COL4A2: variants seen among roughly 807,000 people sequenced by gnomAD.
COL4A2 encodes the protein collagen alpha-2(IV) chain.
In COL4A2, 99 loss-of-function variants were observed where a neutral mutation model predicts 200.2. That is an observed-to-expected ratio of 0.49 (90% CI 0.42 to 0.58). The LOEUF is 0.58. COL4A2 is among the 20% of genes least tolerant of loss of function. The pLI is 0.00. For missense variants in COL4A2, 1,950 were observed against 2,314.1 expected, an observed-to-expected ratio of 0.84 and a Z score of 3.23; for synonymous variants, 897 against 900.6, an observed-to-expected ratio of 1.00 and a Z score of 0.07.
At chr13:110,434,270 A>G (rs1880790209) in intron 11 of COL4A2, 131 bp from the exon 12 acceptor site, 3 of 755,464 alleles carry the variant, frequency 4.0e-6, no homozygotes, top group African/African-American at 1.8e-5. Flanking sequence ...AAGCAAGAAT[A>G]TTATGCAAAT....
intron 24 of COL4A2, among the ~76,000 whole-genome samples, chr13:110,464,034 TG>T (rs1224677751): frequency 5.3e-5 from 8 of 152,064 alleles, no homozygotes; most frequent in African/African-American, 1.9e-4. Context: ...CAGTGTCATG[TG>T]GGGTGGGGGT....
At chr13:110,370,872 T>C (rs1051887280) in intron 4 of COL4A2, among the ~76,000 whole-genome samples, 1 of 152,222 alleles carries the variant, frequency 6.6e-6, no homozygotes, top group African/African-American at 2.4e-5. Context: ...TGGGACTTTA[T>C]TTTGAGGATA....
chr13:110,425,291 G>A (rs1758902111), intron 6 of COL4A2, among the ~76,000 whole-genome samples: 1 of 152,202 alleles, frequency 6.6e-6, no homozygotes, highest in Non-Finnish European at 1.5e-5. Flanking sequence ...TAAAGAGCCA[G>A]TCTTGTGATC....
At chr13:110,440,682 A>G (rs115633061) in intron 16 of COL4A2, among the ~76,000 whole-genome samples, 1,582 of 152,322 alleles carry the variant, frequency 0.01, 21 homozygotes, top group African/African-American at 0.034. Flanking sequence ...ACTCTAGGTC[A>G]TACACAATGT....
intron 27 of COL4A2, 34 bp downstream of exon 27, chr13:110,467,130 C>A: frequency 6.8e-6 from 11 of 1,613,250 alleles, no homozygotes; most frequent in Non-Finnish European, 9.3e-6. Flanking sequence ...GTGCACCCAG[C>A]CTTCCTCCCA....
At chr13:110,510,525 C>T (rs1267550660) in intron 47 of COL4A2, among the ~76,000 whole-genome samples, 1 of 152,210 alleles carries the variant, frequency 6.6e-6, no homozygotes. Context: ...GAGGTTTGTC[C>T]ACTGAGAGAA....
rs201690865 is a variant in COL4A2 at position 110,439,829 on chromosome 13, A to T, written c.953A>T (p.Gln318Leu). ...AGTGGTGAAAAAGGATCACCAGGACAGAAGGTAAGTTGGATGCATGAACTG... is the reference window on the plus strand; with the variant it reads ...AGTGGTGAAAAAGGATCACCAGGACTGAAGGTAAGTTGGATGCATGAACTG... ...GLSGEKGSPG[Q>L]KGSRGLDGYQ... Residue 318 changes from glutamine to leucine, a missense_variant, in exon 16 of 48, where the codon CAG (glutamine) becomes CTG (leucine). Gln to Leu is a moderately radical substitution (Grantham distance 113). Transcript: ENST00000360467. 27 of 1,613,936 alleles carry T rather than the reference A, an allele frequency of 1.7e-5. No homozygotes were observed. The highest frequency in any genetic ancestry group is 2.2e-5 in the Non-Finnish European group (26 of 1,179,994).
chr13:110,370,001 C>T (rs1214108694), intron 4 of COL4A2, among the ~76,000 whole-genome samples: 1 of 152,112 alleles, frequency 6.6e-6, no homozygotes, highest in African/African-American at 2.4e-5. Flanking sequence ...TTGTTCTGAG[C>T]GTCTCACTTT....
At chr13:110,332,197 A>G (rs182589465) in intron 3 of COL4A2, among the ~76,000 whole-genome samples, 4 of 152,362 alleles carry the variant, frequency 2.6e-5, no homozygotes, top group Admixed American at 1.3e-4. Context: ...TGTTAAGTCA[A>G]GAAAGGCTTA....
intron 4 of COL4A2, among the ~76,000 whole-genome samples, chr13:110,385,261 GAAA>G (rs553112812): frequency 7.2e-6 from 1 of 139,572 alleles, no homozygotes; most frequent in African/African-American, 2.6e-5. Flanking sequence ...GACTCCGTCT[GAAA>G]AAAAAAAAAA....
At chr13:110,478,692 G>T (rs1882785289) in intron 30 of COL4A2, among the ~76,000 whole-genome samples, 1 of 152,240 alleles carries the variant, frequency 6.6e-6, no homozygotes, top group Admixed American at 6.5e-5. Context: ...ACTCAGTACA[G>T]CCAGTTCCCA....
chr13:110,334,173 G>T (rs1182960454), intron 3 of COL4A2, among the ~76,000 whole-genome samples: 3 of 152,264 alleles, frequency 2.0e-5, no homozygotes, highest in African/African-American at 4.8e-5. Flanking sequence ...CACAGTCAGT[G>T]CCTCTCTTTG....
chr13:110,501,113 G>A (rs539223325), intron 40 of COL4A2, among the ~76,000 whole-genome samples: 1 of 152,162 alleles, frequency 6.6e-6, no homozygotes, highest in African/African-American at 2.4e-5. Context: ...ATTTGGGGGG[G>A]ATTCCAAGTG....
At chr13:110,402,495 C>A (rs1261010859) in intron 4 of COL4A2, among the ~76,000 whole-genome samples, 3 of 152,196 alleles carry the variant, frequency 2.0e-5, no homozygotes, top group African/African-American at 7.2e-5. Flanking sequence ...CGGGGCAGCC[C>A]CGCCTCCCAT....
chr13:110,338,950 A>G (rs1264200261), intron 3 of COL4A2, among the ~76,000 whole-genome samples: 1 of 152,198 alleles, frequency 6.6e-6, no homozygotes, highest in Non-Finnish European at 1.5e-5. Context: ...TATGCCCCAT[A>G]AAAGGAAGAA....
intron 34 of COL4A2, among the ~76,000 whole-genome samples, chr13:110,486,715 G>T (rs192060438): frequency 6.6e-6 from 1 of 152,118 alleles, no homozygotes; most frequent in Non-Finnish European, 1.5e-5. Context: ...GGGAGATAGG[G>T]GTGGGGCCGT....
At chr13:110,481,188 T>A (rs5013759) in intron 31 of COL4A2, among the ~76,000 whole-genome samples, 2 of 61,768 alleles carry the variant, frequency 3.2e-5, no homozygotes, top group African/African-American at 8.8e-5. Flanking sequence ...GGAGACACAC[T>A]GTTCTGTCCC....
In COL4A2 at chr13:110,392,700, C is replaced by T. The variant is rs574990229; in HGVS notation, c.181-32034C>T. ...CCCTTGCTTTAAAATCCTCTCCCGA[C>T]CCTTATCTAACTGTGGTCAAGAATA... On this transcript the variant is annotated intron_variant, in intron 4 of 47. Coordinates refer to ENST00000360467, the MANE Select transcript of COL4A2 (RefSeq NM_001846.4). Among the ~76,000 whole-genome samples, 5 of 152,304 alleles carry T rather than the reference C, an allele frequency of 3.3e-5. No individual in the cohort carries two copies. The Middle Eastern group carries it at 0.014, about 414-fold the overall frequency.
intron 4 of COL4A2, among the ~76,000 whole-genome samples, chr13:110,392,019 C>A (rs1368536009): frequency 6.6e-6 from 1 of 152,084 alleles, no homozygotes; most frequent in East Asian, 1.9e-4. Flanking sequence ...CTGTTTGCTC[C>A]CAGGGTGGAT....
Sources: gnomAD v4.1 joint callset for allele counts (sites outside exome capture counted in the v4.1 genomes callset) on GRCh38, gnomAD v4.1.1 for gene constraint, MANE v1.5 for transcripts, NCBI Gene and HGNC (gene_info 2026-07-23, HGNC 2026-07-21) for gene names.